The following PHLDB2 variants were observed in gnomAD, a reference collection of about 807,000 sequenced individuals.
The protein encoded by PHLDB2 is pleckstrin homology-like domain family B member 2.
A neutral mutation model predicts 123.6 loss-of-function variants in PHLDB2; 71 were observed. The observed-to-expected ratio is 0.57, with a 90% CI of 0.47 to 0.70. The LOEUF (loss-of-function observed/expected upper bound fraction) is 0.70, where lower values mean the gene tolerates loss of function less well. Among genes scored for constraint, PHLDB2 ranks in the 30% least tolerant of loss-of-function variants. The pLI is 0.00. For synonymous variants in PHLDB2, 547 were observed against 541.6 expected, an observed-to-expected ratio of 1.01 and a Z score of -0.14; for missense variants, 1,446 against 1,519.5, an observed-to-expected ratio of 0.95 and a Z score of 0.80.
upstream of PHLDB2, among the ~76,000 whole-genome samples, chr3:111,856,304 A>G (rs1416561186): frequency 6.6e-6 from 1 of 152,228 alleles, no homozygotes; most frequent in African/African-American, 2.4e-5. Context: ...ATTCATACTT[A>G]GAAAAGAGGT....
At position 111,884,432 on chromosome 3, in the gene PHLDB2, A is replaced by G. The variant is rs375890569; in HGVS notation, c.355A>G (p.Ser119Gly). The G allele has an allele frequency of 4.3e-6, 7 of 1,614,044 alleles. No individual in the cohort carries two copies. In the African/African-American group the frequency reaches 5.3e-5, roughly 12 times the overall value. The change falls in exon 2 of 18, where the codon AGT becomes GGT. Residue 119 changes from serine (S) to glycine (G), a missense_variant. By Grantham distance (56) the Ser-to-Gly change is moderately conservative. Around this residue, in one of 3 missense-constraint regions of PHLDB2, gnomAD observed 832 missense variants for 831.9 expected, o/e 1.00. Coordinates refer to ENST00000431670, the MANE Select transcript of PHLDB2 (RefSeq NM_001134438.2). ...TPLLNTTSSL[S>G]GYPLGRADFD... ...TTTACTCAACACTACATCCTCCCTC[A>G]GTGGATATCCACTTGGAAGAGCAGA...
intron 1 of PHLDB2, among the ~76,000 whole-genome samples, chr3:111,741,653 T>C (rs183693956): frequency 6.6e-6 from 1 of 152,298 alleles, no homozygotes; most frequent in East Asian, 1.9e-4. Context: ...TATTTCTGGG[T>C]GTTGGTTACA....
chr3:111,845,094 C>A (rs993185288), intron 1 of PHLDB2, among the ~76,000 whole-genome samples: 1 of 152,046 alleles, frequency 6.6e-6, no homozygotes, highest in Admixed American at 6.6e-5. Flanking sequence ...GTGGCTCATG[C>A]CTGTAATCCC....
At chr3:111,882,573 T>C (rs2065982906) in intron 1 of PHLDB2, among the ~76,000 whole-genome samples, 1 of 152,154 alleles carries the variant, frequency 6.6e-6, no homozygotes, top group Admixed American at 6.6e-5. Flanking sequence ...TTTCTTGAGG[T>C]ACATTTAAAA....
intron 1 of PHLDB2, among the ~76,000 whole-genome samples, chr3:111,753,123 C>A (rs2059813782): frequency 6.6e-6 from 1 of 151,774 alleles, no homozygotes; most frequent in Non-Finnish European, 1.5e-5. Context: ...GTGCATGTGT[C>A]TTTATAGCAG....
chr3:111,806,142 G>A (rs2061577840), intron 1 of PHLDB2, among the ~76,000 whole-genome samples: 1 of 152,160 alleles, frequency 6.6e-6, no homozygotes, highest in Non-Finnish European at 1.5e-5. Context: ...TCTAGTGCAA[G>A]TCCCAGTACC....
chr3:111,762,441 G>A (rs1308579870), intron 1 of PHLDB2, among the ~76,000 whole-genome samples: 1 of 152,140 alleles, frequency 6.6e-6, no homozygotes, highest in Admixed American at 6.5e-5. Flanking sequence ...TTCAGATATT[G>A]GAAACTAAGG....
intron 5 of PHLDB2, among the ~76,000 whole-genome samples, chr3:111,930,163 G>A (rs576028797): frequency 2.6e-5 from 4 of 151,570 alleles, no homozygotes; most frequent in East Asian, 3.9e-4. Flanking sequence ...CGCCTGCCTC[G>A]GCCTCCCAAA....
chr3:111,847,456 G>A (rs1330299732), intron 2 of PHLDB2, among the ~76,000 whole-genome samples: 2 of 152,090 alleles, frequency 1.3e-5, no homozygotes, highest in African/African-American at 4.8e-5. Context: ...TGATTTAGGA[G>A]CCTATTACAA....
chr3:111,755,306 T>C (rs2059864838), intron 1 of PHLDB2, among the ~76,000 whole-genome samples: 1 of 143,998 alleles, frequency 6.9e-6, no homozygotes, highest in Non-Finnish European at 1.5e-5. Context: ...TGGTAAGCTA[T>C]TGATTAGTGC....
At chr3:111,830,837 G>A (rs1380703373) in intron 1 of PHLDB2, among the ~76,000 whole-genome samples, 5 of 139,992 alleles carry the variant, frequency 3.6e-5, no homozygotes, top group Non-Finnish European at 7.6e-5. Context: ...AAAAAAGGCA[G>A]CACATCCCAG....
At chr3:111,746,895 G>A (rs893195094) in intron 1 of PHLDB2, among the ~76,000 whole-genome samples, 4 of 152,172 alleles carry the variant, frequency 2.6e-5, no homozygotes, top group Non-Finnish European at 5.9e-5. Context: ...TACAAGAAGT[G>A]CAAATTAACT....
intron 9 of PHLDB2, among the ~76,000 whole-genome samples, chr3:111,947,251 G>GT (rs2070372908): frequency 6.6e-6 from 1 of 152,130 alleles, no homozygotes; most frequent in South Asian, 2.1e-4. Context: ...CTGTTAATGA[G>GT]TTGCTCTTTA....
In PHLDB2 at chr3:111,884,651, C is replaced by A. The variant is rs1205402524; in HGVS notation, c.574C>A (p.Pro192Thr). Residue 192 changes from proline to threonine, a missense_variant, in exon 2 of 18, where the codon CCT (proline) becomes ACT (threonine). Transcript: ENST00000431670. The part of the protein sequence containing the change: ...GSSLSDAGPP[P>T]ISRSGAASMP... ...TTCCCTGAGTGATGCTGGCCCGCCT[C>A]CTATCAGCAGATCGGGAGCCGCAAG... 6.2e-6 allele frequency: 10 copies of A among 1,614,178 alleles called. No individual in the cohort carries two copies. The highest frequency in any genetic ancestry group is 7.6e-6 in the Non-Finnish European group (9 of 1,180,038).
chr3:111,885,037 A>G lies in PHLDB2; in HGVS notation c.960A>G (p.Glu320=), dbSNP rs760691292. The G allele has an allele frequency of 3.7e-6, 6 of 1,614,182 alleles. No homozygotes were observed. In the East Asian group the frequency reaches 1.3e-4, roughly 36 times the overall value. The change falls in exon 2 of 18, where the codon GAA becomes GAG. Residue 320 remains glutamate (E), a synonymous_variant. Coordinates refer to ENST00000431670, the MANE Select transcript of PHLDB2 (RefSeq NM_001134438.2). ...TACCCTATAAAACCTCTGCTTCTGA[A>G]GGCAATCCTTATGTAAGTTCTACCC... is the stretch of plus-strand genomic sequence containing the variant. ...GALPYKTSAS[E]GNPYVSSTLS...
intron 17 of PHLDB2, among the ~76,000 whole-genome samples, chr3:111,974,024 T>C (rs1347586807): frequency 6.6e-6 from 1 of 152,190 alleles, no homozygotes; most frequent in Non-Finnish European, 1.5e-5. Context: ...GGAAATATTC[T>C]GGACATAATG....
chr3:111,921,220 GAACT>G (rs1212262117), intron 5 of PHLDB2, among the ~76,000 whole-genome samples: 1 of 152,000 alleles, frequency 6.6e-6, no homozygotes, highest in African/African-American at 2.4e-5. Flanking sequence ...AGTTAGAGCA[GAACT>G]AAAAATAAAA....
In PHLDB2 at chr3:111,962,208, T is replaced by C; in HGVS notation, c.2973T>C (p.Tyr991=). Residue 991 remains tyrosine, a synonymous_variant, in exon 13 of 18, where the codon TAT becomes TAC. Coordinates refer to ENST00000431670, the MANE Select transcript of PHLDB2 (RefSeq NM_001134438.2). ...ATGTCTACTTGAATAGTTTCCATTA[T>C]CCAGATCACAGCTACAAGGACCAGG... The part of the protein sequence containing the change: ...ESNVYLNSFH[Y]PDHSYKDQAF... 2 of 1,582,074 alleles carry C rather than the reference T, an allele frequency of 1.3e-6. No individual in the cohort carries two copies. Among genetic ancestry groups the C allele is most frequent in the Non-Finnish European group, 1.7e-6 (2 of 1,171,320 alleles).
chr3:111,761,276 T>C (rs905468461), intron 1 of PHLDB2, among the ~76,000 whole-genome samples: 1 of 152,174 alleles, frequency 6.6e-6, no homozygotes, highest in African/African-American at 2.4e-5. Context: ...TACAGTGTTA[T>C]TCAATTTTTT....
Sources: gnomAD v4.1 joint callset for allele counts (sites outside exome capture counted in the v4.1 genomes callset) on GRCh38, gnomAD v4.1.1 for gene constraint, gnomAD v4.1.1 regional missense constraint, MANE v1.5 for transcripts, NCBI Gene and HGNC (gene_info 2026-07-23, HGNC 2026-07-21) for gene names.